Variants in FGFR2 observed in about 807,000 individuals in gnomAD.
FGFR2 encodes fibroblast growth factor receptor 2.
FGFR2 carries 19 observed loss-of-function variants against 95.9 expected under a neutral mutation model. The observed-to-expected ratio is 0.20, with a 90% CI of 0.14 to 0.29. The LOEUF is 0.29. Among genes scored for constraint, FGFR2 ranks in the 10% least tolerant of loss-of-function variants. The probability of loss-of-function intolerance (pLI) is 1.00; values close to 1 mark genes in which losing one functional copy is unlikely to be tolerated. For synonymous variants in FGFR2, 392 were observed against 393.3 expected, an observed-to-expected ratio of 1.00 and a Z score of 0.04; for missense variants, 707 against 1,056.9, an observed-to-expected ratio of 0.67 and a Z score of 4.59.
chr10:121,595,554 T>C (rs900941176), intron 1 of FGFR2, among the ~76,000 whole-genome samples: 2 of 152,254 alleles, frequency 1.3e-5, no homozygotes, highest in Non-Finnish European at 2.9e-5. Context: ...AGATTTTTCC[T>C]CTTAACTTTT....
Position 121,517,541 on chromosome 10 carries a change from G to T in FGFR2, c.940-78C>A. On this transcript the variant is annotated intron_variant, in intron 7 of 17. Transcript: ENST00000358487. This position sits in a 1 kb window ranked among gnomAD's most constrained non-coding sequence, Gnocchi z 4.7. The stretch of plus-strand genomic sequence containing the variant: ...GGAGGGGGCTGTGGAACCACAAGGC[G>T]TCGCACCGGGGGCTTCAGGGGGTGC... 6.4e-7 allele frequency: 1 copy of T among 1,569,160 alleles called. No homozygotes were observed. The highest frequency in any genetic ancestry group is 8.7e-7 in the Non-Finnish European group (1 of 1,143,764).
intron 17 of FGFR2, chr10:121,482,258 A>C (rs1844854722): frequency 7.3e-7 from 1 of 1,373,136 alleles, no homozygotes; most frequent in African/African-American, 1.4e-5. Flanking sequence ...CAATTTTGGC[A>C]GAAGAAGAAA....
chr10:121,573,482 A>G (rs547785659), intron 2 of FGFR2, among the ~76,000 whole-genome samples: 1 of 152,258 alleles, frequency 6.6e-6, no homozygotes, highest in East Asian at 1.9e-4. Context: ...ACATTCCTCC[A>G]GGAAGAAGAA....
intron 10 of FGFR2, 76 bp from the exon 11 acceptor site, chr10:121,501,023 T>C: frequency 6.3e-7 from 1 of 1,598,914 alleles, no homozygotes. Flanking sequence ...GAACTAAATA[T>C]AAAAATCTTT....
intron 8 of FGFR2, among the ~76,000 whole-genome samples, chr10:121,516,400 A>G (rs75268072): frequency 2.0e-5 from 3 of 152,384 alleles, no homozygotes; most frequent in Non-Finnish European, 2.9e-5. Context: ...TCAGAAAAAT[A>G]CTTGCAAGAT....
chr10:121,484,091 T>C (rs1218012806), intron 16 of FGFR2, among the ~76,000 whole-genome samples: 1 of 152,032 alleles, frequency 6.6e-6, no homozygotes, highest in Non-Finnish European at 1.5e-5. Context: ...CATCTCACAA[T>C]GGCGTCACAC....
intron 7 of FGFR2, among the ~76,000 whole-genome samples, chr10:121,519,709 G>A (rs559782125): frequency 1.3e-5 from 2 of 152,286 alleles, no homozygotes; most frequent in Non-Finnish European, 2.9e-5. Flanking sequence ...AAATGTCTGC[G>A]ATCTCAGGGC....
chr10:121,592,420 G>A (rs1483183184), intron 2 of FGFR2, among the ~76,000 whole-genome samples: 1 of 152,094 alleles, frequency 6.6e-6, no homozygotes, highest in East Asian at 1.9e-4. Flanking sequence ...CCTTCCCAGA[G>A]ACGCAGGGAG....
At chr10:121,558,610 GTT>G (rs1212018020) in intron 4 of FGFR2, among the ~76,000 whole-genome samples, 3 of 139,404 alleles carry the variant, frequency 2.2e-5, no homozygotes, top group Non-Finnish European at 4.7e-5. Context: ...ACAGTTTTTT[GTT>G]TTTTTTTTTT....
chr10:121,493,922 G>A (rs1217342749), intron 13 of FGFR2, among the ~76,000 whole-genome samples: 1 of 151,918 alleles, frequency 6.6e-6, no homozygotes, highest in Non-Finnish European at 1.5e-5. Context: ...AAATCCAGAA[G>A]TCACCCTTGA....
chr10:121,573,192 C>T (rs1046365183), intron 2 of FGFR2, among the ~76,000 whole-genome samples: 3 of 152,194 alleles, frequency 2.0e-5, no homozygotes, highest in Non-Finnish European at 4.4e-5. Flanking sequence ...CAAATGCAAA[C>T]AGAGAACAGA....
At chr10:121,596,939 C>G (rs928529344) in intron 1 of FGFR2, among the ~76,000 whole-genome samples, 3 of 152,090 alleles carry the variant, frequency 2.0e-5, no homozygotes, top group African/African-American at 7.2e-5. Flanking sequence ...TGAGTCGAGC[C>G]CGGTGGAAGA....
At chr10:121,503,750 T>C (rs2134051106) in intron 10 of FGFR2, 40 bp downstream of exon 10, 1 of 1,612,536 alleles carries the variant, frequency 6.2e-7, no homozygotes, top group Non-Finnish European at 8.5e-7. Flanking sequence ...CATTTATAGC[T>C]GAGTCTCCAT....
chr10:121,497,843 T>C (rs1847081521), intron 12 of FGFR2, among the ~76,000 whole-genome samples: 1 of 152,124 alleles, frequency 6.6e-6, no homozygotes, highest in Non-Finnish European at 1.5e-5. Context: ...CCCACAAAAG[T>C]CTAAAATATC....
In FGFR2 at chr10:121,528,425, T is replaced by C. The variant is rs527349118; in HGVS notation, c.749-8256A>G. ...TGGCCACTAGTAAGAATGAAGGAGA[T>C]TGAGATGTGCAGACATAGAGGGATG... On this transcript the variant is annotated intron_variant, in intron 6 of 17. Transcript: ENST00000358487. Among the ~76,000 whole-genome samples the C allele has an allele frequency of 5.3e-5, 8 of 152,104 alleles. No individual in the cohort carries two copies. The South Asian group carries it at 6.2e-4, about 12-fold the overall frequency.
intron 6 of FGFR2, among the ~76,000 whole-genome samples, chr10:121,535,485 T>G (rs1272432953): frequency 2.0e-5 from 3 of 152,188 alleles, no homozygotes. Context: ...TGAGTTCCAG[T>G]TCCTTCATTT....
intron 5 of FGFR2, among the ~76,000 whole-genome samples, chr10:121,550,812 G>A (rs961526822): frequency 3.9e-5 from 6 of 152,070 alleles, no homozygotes; most frequent in Admixed American, 6.6e-5. Flanking sequence ...ACGCAAGTCC[G>A]GGGTAATATT....
intron 4 of FGFR2, among the ~76,000 whole-genome samples, chr10:121,555,798 GTAA>G (rs1375300245): frequency 2.0e-5 from 3 of 152,136 alleles, no homozygotes; most frequent in Non-Finnish European, 4.4e-5. Context: ...TTGCACATTA[GTAA>G]TAATATTAAG....
chr10:121,582,765 A>G (rs887379468), intron 2 of FGFR2, among the ~76,000 whole-genome samples: 1 of 152,188 alleles, frequency 6.6e-6, no homozygotes, highest in South Asian at 2.1e-4. Context: ...CCTGGGTGAC[A>G]GAGCAAGAGA....
Sources: allele counts gnomAD v4.1 joint callset (sites outside exome capture counted in the v4.1 genomes callset), GRCh38; gene constraint gnomAD v4.1.1; non-coding constraint Gnocchi (gnomAD v3.1); transcripts MANE v1.5; gene names NCBI Gene and HGNC (gene_info 2026-07-23, HGNC 2026-07-21).